Variants in UNC79 observed in about 807,000 individuals in gnomAD.
UNC79 encodes the protein unc-79 subunit of NALCN channel complex, also known as protein unc-79 homolog.
Under a neutral mutation model 283.1 loss-of-function variants are expected in UNC79, and 37 were observed. The observed-to-expected ratio is 0.13, with a 90% CI of 0.10 to 0.17. The LOEUF (loss-of-function observed/expected upper bound fraction) is 0.17, where lower values mean the gene tolerates loss of function less well. Ranked by LOEUF, UNC79 falls within the 10% of genes least tolerant of loss-of-function variation. The pLI is 1.00. For synonymous variants in UNC79, 1,107 were observed against 1,200.2 expected (o/e 0.92, Z 1.61); for missense variants, 2,272 against 3,211.1 (o/e 0.71, Z 7.07).
intron 1 of UNC79, among the ~76,000 whole-genome samples, chr14:93,403,237 T>A (rs2055148182): frequency 6.6e-6 from 1 of 152,222 alleles, no homozygotes; most frequent in Non-Finnish European, 1.5e-5. Context: ...TATGCATTTT[T>A]CTCGTGTAAG....
intron 26 of UNC79, among the ~76,000 whole-genome samples, chr14:93,605,230 T>C (rs1206926667): frequency 6.6e-6 from 1 of 152,192 alleles, no homozygotes; most frequent in Non-Finnish European, 1.5e-5. Context: ...AGAGAGCCAG[T>C]ATGACTAGAG....
chr14:93,512,753 C>G (rs946255227), intron 7 of UNC79, among the ~76,000 whole-genome samples: 21 of 152,054 alleles, frequency 1.4e-4, no homozygotes, highest in Admixed American at 1.4e-3. Context: ...GTTTTCATCT[C>G]TCTCTGGGAA....
chr14:93,340,489 C>G (rs1034634581), intron 1 of UNC79, among the ~76,000 whole-genome samples: 5 of 149,328 alleles, frequency 3.3e-5, no homozygotes, highest in African/African-American at 9.8e-5. Context: ...ACTGGCCTGG[C>G]CAAAACTCTG....
intron 48 of UNC79, among the ~76,000 whole-genome samples, chr14:93,705,347 C>CAAAAA (rs71129656): frequency 4.6e-5 from 4 of 87,520 alleles, no homozygotes; most frequent in African/African-American, 1.4e-4. Flanking sequence ...CCCAGTCTCT[C>CAAAAA]AAAAAAAAAA....
intron 1 of UNC79, among the ~76,000 whole-genome samples, chr14:93,386,272 T>C (rs925082370): frequency 6.6e-6 from 1 of 152,234 alleles, no homozygotes; most frequent in African/African-American, 2.4e-5. Flanking sequence ...ATGTATCATA[T>C]TGATTGATTT....
exon 27 of UNC79, chr14:93,612,871 G>A: frequency 1.2e-6 from 2 of 1,614,112 alleles, no homozygotes; most frequent in South Asian, 2.2e-5. Flanking sequence ...CCACCAGACA[G>A]TTCACCAGCT....
chr14:93,699,906 C>G (rs375316597), intron 47 of UNC79, among the ~76,000 whole-genome samples: 2 of 152,122 alleles, frequency 1.3e-5, no homozygotes, highest in Admixed American at 6.5e-5. Context: ...TCTAAACATT[C>G]ATCTTTCATC....
intron 1 of UNC79, among the ~76,000 whole-genome samples, chr14:93,410,348 T>C (rs1167408263): frequency 6.6e-6 from 1 of 152,088 alleles, no homozygotes; most frequent in African/African-American, 2.4e-5. Context: ...AGGGATGGAG[T>C]GCTCTGGGAC....
intron 1 of UNC79, among the ~76,000 whole-genome samples, chr14:93,349,316 A>G (rs1349739919): frequency 2.0e-5 from 3 of 152,242 alleles, no homozygotes; most frequent in African/African-American, 4.8e-5. Flanking sequence ...CATGAAGAAC[A>G]GCAGAAGCGA....
At chr14:93,431,533 A>G (rs1340214642) in intron 1 of UNC79, among the ~76,000 whole-genome samples, 1 of 151,974 alleles carries the variant, frequency 6.6e-6, no homozygotes, top group Non-Finnish European at 1.5e-5. Context: ...CTTCGGGTGG[A>G]AGAGGCAAGA....
At position 93,430,788 on chromosome 14, in the gene UNC79, CT is replaced by C. The variant is rs2055844320; in HGVS notation, c.-239del. 9 of 473,830 alleles carry C rather than the reference CT, an allele frequency of 1.9e-5. No homozygotes were observed. 29.4% of individuals were successfully genotyped at this position (473,830 alleles called of 1,614,324 possible). The stretch of plus-strand genomic sequence containing the variant: ...CTCCAGGAGGGGACGGACAGGAAGC[CT>C]TTGGCCGCCTATTAAATCCCACCCA... On this transcript the variant is annotated 5_prime_UTR_variant, in exon 1 of 49. Coordinates refer to ENST00000555664, the Ensembl canonical transcript of UNC79. The surrounding 1 kb of genome is among the most constrained non-coding windows in gnomAD (Gnocchi z 4.6).
rs2055064557 is a variant in UNC79, at chr14:93,399,505, T to C, written c.-351+65982T>C. On this transcript the variant is annotated intron_variant, in intron 1 of 49. Coordinates refer to the UNC79 transcript ENST00000256339. ...TCAGTTCTTACAGTCATTCTTTTTTTCCACCCATTTTTCTTCTATTCTTCC... is the reference window on the plus strand; with the variant it reads ...TCAGTTCTTACAGTCATTCTTTTTTCCCACCCATTTTTCTTCTATTCTTCC... Among the ~76,000 whole-genome samples the C allele has an allele frequency of 2.0e-5, 3 of 152,148 alleles. No individual in the cohort carries two copies. In the South Asian group the frequency reaches 6.2e-4, roughly 32 times the overall value.
intron 40 of UNC79, among the ~76,000 whole-genome samples, chr14:93,665,625 A>T (rs1384599600): frequency 2.0e-5 from 3 of 152,008 alleles, no homozygotes; most frequent in African/African-American, 7.2e-5. Flanking sequence ...GTCAAGACAA[A>T]GAAAATATTT....
At chr14:93,376,860 TATATATAAAA>T (rs1405621433) in intron 1 of UNC79, among the ~76,000 whole-genome samples, 1 of 148,316 alleles carries the variant, frequency 6.7e-6, no homozygotes, top group African/African-American at 2.4e-5. Flanking sequence ...TTAATTTAAT[TATATATAAAA>T]ATATATAAAA....
At chr14:93,341,216 C>T (rs999350609) in intron 1 of UNC79, among the ~76,000 whole-genome samples, 3 of 151,626 alleles carry the variant, frequency 2.0e-5, no homozygotes, top group Admixed American at 6.6e-5. Context: ...TTTGGGAGGC[C>T]GAGGTGGGTG....
chr14:93,381,772 C>T lies in UNC79; in HGVS notation c.-351+48249C>T, dbSNP rs942115041. ...CTGGTGTATGAACTTCAAAGAAAGACAAAAGTGTCCTCTAGAGGAAGTGTC... is the reference window on the plus strand; with the variant it reads ...CTGGTGTATGAACTTCAAAGAAAGATAAAAGTGTCCTCTAGAGGAAGTGTC... On this transcript the variant is annotated intron_variant, in intron 1 of 49. Transcript: ENST00000256339. Among the ~76,000 whole-genome samples, 6 of 152,160 alleles carry T rather than the reference C, an allele frequency of 3.9e-5. 1 individual carries two copies. Among genetic ancestry groups the T allele is most frequent in the Admixed American group, 6.5e-5 (1 of 15,274 alleles).
intron 7 of UNC79, among the ~76,000 whole-genome samples, chr14:93,505,724 C>T (rs1207913893): frequency 1.7e-4 from 25 of 149,224 alleles, no homozygotes; most frequent in Non-Finnish European, 3.1e-4. Flanking sequence ...TCTTTTTTCT[C>T]TCTCTCTTTT....
intron 1 of UNC79, among the ~76,000 whole-genome samples, chr14:93,378,438 G>C (rs1387044117): frequency 6.6e-6 from 1 of 152,180 alleles, no homozygotes; most frequent in Non-Finnish European, 1.5e-5. Flanking sequence ...TACACGTTTA[G>C]TATCCCTTAT....
intron 1 of UNC79, among the ~76,000 whole-genome samples, chr14:93,354,417 T>C (rs2054043833): frequency 6.6e-6 from 1 of 152,264 alleles, no homozygotes; most frequent in Non-Finnish European, 1.5e-5. Flanking sequence ...GATTTTTAGC[T>C]TGGGATGCTC....
Sources: gnomAD v4.1 joint callset for allele counts (sites outside exome capture counted in the v4.1 genomes callset) on GRCh38, gnomAD v4.1.1 for gene constraint, Gnocchi (gnomAD v3.1) non-coding constraint, MANE v1.5 for transcripts, NCBI Gene and HGNC (gene_info 2026-07-23, HGNC 2026-07-21) for gene names.